PLCD1: variants seen among roughly 807,000 people sequenced by gnomAD.
The protein encoded by PLCD1 is 1-phosphatidylinositol 4,5-bisphosphate phosphodiesterase delta-1.
Under a neutral mutation model 87.4 loss-of-function variants are expected in PLCD1, and 71 were observed. The ratio of observed to expected loss-of-function variants is 0.81; its 90% CI spans 0.67 to 0.99. The LOEUF is 0.99. Among genes scored for constraint, PLCD1 ranks in the 50% least tolerant of loss-of-function variants. PLCD1 has a pLI of 0.00. For missense variants in PLCD1, 867 were observed against 1,001.5 expected (o/e 0.87, Z 1.81); for synonymous variants, 348 against 399.2 (o/e 0.87, Z 1.53).
intron 3 of PLCD1, 107 bp downstream of exon 3, chr3:38,016,384 T>C (rs76303228): frequency 0.017 from 12,354 of 748,682 alleles, 151 homozygotes; most frequent in Non-Finnish European, 0.021. Flanking sequence ...TATTTTGTTA[T>C]GGCAGCCCAA....
chr3:38,016,736 G>A lies in PLCD1; in HGVS notation c.200-17C>T. The A allele has an allele frequency of 6.6e-7, 1 of 1,509,488 alleles. No homozygotes were observed. The highest frequency in any genetic ancestry group is 1.2e-5 in the South Asian group (1 of 83,278). The allele number at this position is 1,509,488 out of a possible 1,614,324, so 93.5% of individuals were successfully genotyped here. ...CGATGGAGACTGCGAGAGGGGGATGGTGGAGGAGAGAGGGAGAGAATGCTG... is the reference window on the plus strand; with the variant it reads ...CGATGGAGACTGCGAGAGGGGGATGATGGAGGAGAGAGGGAGAGAATGCTG... On this transcript the variant is annotated splice_polypyrimidine_tract_variant and intron_variant, in intron 2 of 14. Coordinates refer to ENST00000334661, the MANE Select transcript of PLCD1 (RefSeq NM_006225.4).
rs1700008120 is a variant in PLCD1 at position 38,008,623 on chromosome 3, G to A, written c.1737C>T (p.Phe579=). The part of the protein sequence containing the change: ...NGGCQIVALN[F]QTPGPEMDVY... ...CGTCCATCTCTGGCCCAGGTGTCTG[G>A]AAATTCAGGGCCACTACAGGCAGGA... The change falls in exon 12 of 15, where the codon TTC becomes TTT. Residue 579 remains phenylalanine, a synonymous_variant. Coordinates refer to ENST00000334661, the MANE Select transcript of PLCD1 (RefSeq NM_006225.4). 1.2e-6 allele frequency: 2 copies of A among 1,613,992 alleles called. No individual in the cohort carries two copies.
chr3:38,007,783 A>G lies in PLCD1; in HGVS notation c.2261T>C (p.Leu754Pro). 6.2e-7 allele frequency: 1 copy of G among 1,613,710 alleles called. No homozygotes were observed. Reference sequence around the variant, plus strand: ...CTGGCTTCCTCCAGCCTAGTCCTGGAGGGAGATCTTCACAAAGAGGGTGGC... The same window carrying G: ...CTGGCTTCCTCCAGCCTAGTCCTGGGGGGAGATCTTCACAAAGAGGGTGGC... ...PSATLFVKIS[L>P]QD Residue 754 changes from leucine to proline, a missense_variant, in exon 15 of 15, where the codon CTC (leucine) becomes CCC (proline). Physicochemically the swap from Leu to Pro is moderately conservative, Grantham distance 98. Transcript: ENST00000334661.
rs1335333692 is a variant in PLCD1 at position 38,008,456 on chromosome 3, A to G, written c.1902+2T>C. 2 of 1,614,112 alleles carry G rather than the reference A, an allele frequency of 1.2e-6. No homozygotes were observed. Among genetic ancestry groups the G allele is most frequent in the South Asian group, 1.1e-5 (1 of 91,072 alleles). On this transcript the variant is annotated splice_donor_variant, in intron 12 of 14. Transcript: ENST00000334661. LOFTEE classifies it high-confidence loss of function. The stretch of plus-strand genomic sequence containing the variant: ...CACCTGTCCCTCCTAGGTCCAGCGT[A>G]CCCTGATGTTGAGCCGCTTCCGTGC...
intron 3 of PLCD1, among the ~76,000 whole-genome samples, chr3:38,012,101 C>G (rs1700088361): frequency 6.9e-6 from 1 of 144,972 alleles, no homozygotes; most frequent in African/African-American, 2.6e-5. Flanking sequence ...AATCACAGCT[C>G]ATTGCAGCCT....
chr3:38,011,484 C>G (rs1330446458), intron 4 of PLCD1, 39 bp from the exon 5 acceptor site: 1 of 1,614,024 alleles, frequency 6.2e-7, no homozygotes, highest in East Asian at 2.2e-5. Context: ...CAGAGCAGGC[C>G]TTGGGCCGGG....
rs1472303449 is a variant in PLCD1 at position 38,007,726 on chromosome 3, C to T, written c.*47G>A. On this transcript the variant is annotated 3_prime_UTR_variant, in exon 15 of 15. Coordinates refer to ENST00000334661, the MANE Select transcript of PLCD1 (RefSeq NM_006225.4). The stretch of plus-strand genomic sequence containing the variant: ...CACCAGCCCTGTCCCCACATGTGGA[C>T]AGAGGGCCCAGCCCACTCAGGGGGG... The T allele has an allele frequency of 2.1e-6, 3 of 1,411,196 alleles. No individual in the cohort carries two copies. Among genetic ancestry groups the T allele is most frequent in the Admixed American group, 3.4e-5 (2 of 59,406 alleles). 87.4% of individuals were successfully genotyped at this position (1,411,196 alleles called of 1,614,324 possible).
chr3:38,028,683 A>C (rs1329451188), intron 1 of PLCD1, among the ~76,000 whole-genome samples: 1 of 152,154 alleles, frequency 6.6e-6, no homozygotes, highest in Non-Finnish European at 1.5e-5. Flanking sequence ...CCCCACCAAG[A>C]GTGAGTGAGT....
intron 1 of PLCD1, among the ~76,000 whole-genome samples, chr3:38,021,146 T>TC (rs911892262): frequency 1.4e-4 from 21 of 151,716 alleles, no homozygotes; most frequent in African/African-American, 4.8e-4. Context: ...ACCCTTGCTG[T>TC]CCCCCCCACC....
chr3:38,019,193 G>A (rs1056549123), intron 2 of PLCD1, among the ~76,000 whole-genome samples: 36 of 152,194 alleles, frequency 2.4e-4, no homozygotes, highest in Non-Finnish European at 4.4e-5. Flanking sequence ...AATGGCAGGA[G>A]AATGGGCGAG....
intron 11 of PLCD1, 23 bp from the exon 12 acceptor site, chr3:38,008,659 ACAGGCTGT>A (rs1370767149): frequency 6.2e-7 from 1 of 1,611,916 alleles, no homozygotes; most frequent in Admixed American, 1.7e-5. Flanking sequence ...CAGAGCAGTC[ACAGGCTGT>A]GGGCTGGCCC....
At chr3:38,021,604 C>A in intron 1 of PLCD1, among the ~76,000 whole-genome samples, 1 of 152,192 alleles carries the variant, frequency 6.6e-6, no homozygotes, top group East Asian at 1.9e-4. Context: ...TCTATAAGGG[C>A]GTATGTGTGC....
intron 1 of PLCD1, chr3:38,024,579 G>C: frequency 1.3e-6 from 2 of 1,510,206 alleles, no homozygotes; most frequent in Non-Finnish European, 1.8e-6. Context: ...CCAGGAATGG[G>C]AGGGAGGAGC....
chr3:38,020,937 G>A (rs1700224801), intron 1 of PLCD1, among the ~76,000 whole-genome samples: 2 of 152,190 alleles, frequency 1.3e-5, no homozygotes, highest in South Asian at 4.1e-4. Context: ...TGTGACCTGG[G>A]CAAGGGACTT....
chr3:38,024,782 G>T, intron 1 of PLCD1: 1 of 1,275,752 alleles, frequency 7.8e-7, no homozygotes, highest in Non-Finnish European at 1.0e-6. Context: ...GGCGGGACGA[G>T]AAGAAAATCT....
chr3:38,007,884 A>G, intron 14 of PLCD1, 26 bp from the exon 15 acceptor site: 2 of 1,609,636 alleles, frequency 1.2e-6, no homozygotes, highest in Non-Finnish European at 1.7e-6. Context: ...GCAGGAGGGA[A>G]CACAGAGAGA....
intron 1 of PLCD1, among the ~76,000 whole-genome samples, chr3:38,020,956 T>C (rs949440837): frequency 6.6e-6 from 1 of 152,216 alleles, no homozygotes; most frequent in African/African-American, 2.4e-5. Context: ...TTCATGCTGC[T>C]GGGCCTCTGC....
chr3:38,011,113 T>A, intron 5 of PLCD1, 101 bp downstream of exon 5: 23 of 896,258 alleles, frequency 2.6e-5, no homozygotes, highest in African/African-American at 6.7e-5. Flanking sequence ...AGGCAGCCCC[T>A]TCCCTCCGGT....
intron 1 of PLCD1, among the ~76,000 whole-genome samples, chr3:38,022,183 C>T (rs1300374067): frequency 6.6e-6 from 1 of 152,230 alleles, no homozygotes; most frequent in Non-Finnish European, 1.5e-5. Context: ...TCTGTCCACC[C>T]ACTTGATGAG....
Sources: allele counts gnomAD v4.1 joint callset (sites outside exome capture counted in the v4.1 genomes callset), GRCh38; gene constraint gnomAD v4.1.1; transcripts MANE v1.5; gene names NCBI Gene and HGNC (gene_info 2026-07-23, HGNC 2026-07-21).